Variants in NLGN1 observed in about 807,000 individuals in gnomAD.
NLGN1 encodes the protein neuroligin 1.
A neutral mutation model predicts 65.5 loss-of-function variants in NLGN1; 12 were observed. The observed-to-expected ratio is 0.18, with a 90% CI of 0.12 to 0.30. The LOEUF is 0.30. Among genes scored for constraint, NLGN1 ranks in the 10% least tolerant of loss-of-function variants. The probability of loss-of-function intolerance (pLI) is 1.00; values close to 1 mark genes in which losing one functional copy is unlikely to be tolerated. For missense variants in NLGN1, 750 were observed against 1,007.1 expected (o/e 0.74, Z 3.46); for synonymous variants, 350 against 359.5 (o/e 0.97, Z 0.30).
At chr3:173,714,691 A>C (rs1288681693) in intron 3 of NLGN1, among the ~76,000 whole-genome samples, 2 of 152,158 alleles carry the variant, frequency 1.3e-5, no homozygotes, top group Non-Finnish European at 2.9e-5. Context: ...TAACTTGAAA[A>C]GGGAGTGGGG....
chr3:173,729,841 T>C (rs1449650952), intron 3 of NLGN1, among the ~76,000 whole-genome samples: 1 of 151,986 alleles, frequency 6.6e-6, no homozygotes, highest in Non-Finnish European at 1.5e-5. Context: ...TCATAGAAAA[T>C]TTTTACTGAT....
intron 2 of NLGN1, among the ~76,000 whole-genome samples, chr3:173,460,066 T>G (rs773989727): frequency 6.6e-6 from 1 of 152,100 alleles, no homozygotes; most frequent in Non-Finnish European, 1.5e-5. Context: ...TTAATTAACA[T>G]ATTAATTAAC....
upstream of NLGN1, chr3:173,398,168 C>G (rs879535862): frequency 6.6e-6 from 1 of 152,248 alleles, no homozygotes; most frequent in African/African-American, 2.4e-5. Context: ...AGAAGAAAAC[C>G]CTTGCCTGAA....
intron 2 of NLGN1, among the ~76,000 whole-genome samples, chr3:173,511,729 G>T (rs934189641): frequency 6.6e-6 from 1 of 151,702 alleles, no homozygotes; most frequent in African/African-American, 2.4e-5. Context: ...CAAGCTCAGA[G>T]ATTTTTTTCC....
chr3:173,989,753 T>G (rs1720711592), intron 4 of NLGN1, among the ~76,000 whole-genome samples: 2 of 152,298 alleles, frequency 1.3e-5, no homozygotes, highest in Non-Finnish European at 2.9e-5. Flanking sequence ...CCTCCCACCC[T>G]TCCTTTTCCC....
At chr3:174,135,465 A>G (rs1721037350) in intron 4 of NLGN1, among the ~76,000 whole-genome samples, 1 of 152,188 alleles carries the variant, frequency 6.6e-6, no homozygotes, top group Admixed American at 6.5e-5. Flanking sequence ...ATATTTTTCT[A>G]ACCCTCGAGA....
intron 2 of NLGN1, among the ~76,000 whole-genome samples, chr3:173,437,442 T>C (rs1261654666): frequency 6.6e-6 from 1 of 152,186 alleles, no homozygotes; most frequent in Admixed American, 6.5e-5. Flanking sequence ...CAGTTGCAGC[T>C]GCAATAAAAC....
intron 3 of NLGN1, among the ~76,000 whole-genome samples, chr3:173,725,401 T>C (rs879651796): frequency 2.6e-5 from 4 of 152,172 alleles, no homozygotes; most frequent in Non-Finnish European, 5.9e-5. Flanking sequence ...AGGGAAGAGA[T>C]TAGTTCCAAG....
At chr3:173,447,506 C>T (rs909805287) in intron 2 of NLGN1, among the ~76,000 whole-genome samples, 12 of 152,258 alleles carry the variant, frequency 7.9e-5, no homozygotes, top group African/African-American at 2.9e-4. Flanking sequence ...CGTGATGCCT[C>T]CAGCTTTGTT....
At chr3:173,682,466 G>A (rs1474234015) in intron 3 of NLGN1, among the ~76,000 whole-genome samples, 2 of 151,740 alleles carry the variant, frequency 1.3e-5, no homozygotes, top group Non-Finnish European at 2.9e-5. Context: ...GCACATGCCT[G>A]TAGTCCCAAC....
At chr3:173,975,974 A>G (rs983461118) in intron 4 of NLGN1, among the ~76,000 whole-genome samples, 1 of 152,002 alleles carries the variant, frequency 6.6e-6, no homozygotes, top group African/African-American at 2.4e-5. Context: ...GTAGATCTGC[A>G]ATATATATTT....
At chr3:174,146,124 CCTTCCTTCCTTCCTTCCTTCCTTCCTT>C (rs1469119262) in intron 4 of NLGN1, among the ~76,000 whole-genome samples, 3 of 150,452 alleles carry the variant, frequency 2.0e-5, no homozygotes, top group African/African-American at 7.3e-5. Context: ...TTCCTTCCTT[CCTTCCTTCCTTCCTTCCTTCCTTCCTT>C]CCTCTCTCCC....
chr3:173,503,564 A>G (rs866917619), intron 2 of NLGN1, among the ~76,000 whole-genome samples: 108 of 152,136 alleles, frequency 7.1e-4, no homozygotes, highest in African/African-American at 2.4e-3. Context: ...TTACTTTTTA[A>G]ATTAAATTAT....
At chr3:173,572,901 A>G (rs1048401114) in intron 2 of NLGN1, among the ~76,000 whole-genome samples, 1 of 152,074 alleles carries the variant, frequency 6.6e-6, no homozygotes, top group African/African-American at 2.4e-5. Context: ...AGACACCTTC[A>G]TCCTCTGAGT....
intron 4 of NLGN1, among the ~76,000 whole-genome samples, chr3:173,865,590 C>T (rs1729991429): frequency 6.6e-6 from 1 of 151,862 alleles, no homozygotes; most frequent in Non-Finnish European, 1.5e-5. Context: ...AAAAAAACAA[C>T]AAAGAAACTT....
At chr3:174,254,691 CA>C (rs926780049) in intron 4 of NLGN1, among the ~76,000 whole-genome samples, 15 of 151,530 alleles carry the variant, frequency 9.9e-5, no homozygotes, top group African/African-American at 3.1e-4. Flanking sequence ...TCTACCAATA[CA>C]AAAAAAATTG....
At chr3:173,809,800 G>T (rs1003650678) in intron 4 of NLGN1, among the ~76,000 whole-genome samples, 2 of 152,190 alleles carry the variant, frequency 1.3e-5, no homozygotes, top group African/African-American at 4.8e-5. Flanking sequence ...GGATTGGATT[G>T]CAAGGCAATG....
intron 4 of NLGN1, among the ~76,000 whole-genome samples, chr3:174,069,544 T>A (rs1477869850): frequency 6.6e-6 from 1 of 152,302 alleles, no homozygotes; most frequent in African/African-American, 2.4e-5. Context: ...ACCTATGTTA[T>A]CAAAACATAT....
At chr3:173,896,069 T>C (rs1407335290) in intron 4 of NLGN1, among the ~76,000 whole-genome samples, 2 of 152,188 alleles carry the variant, frequency 1.3e-5, no homozygotes, top group South Asian at 2.1e-4. Flanking sequence ...GCAATTAGCA[T>C]GGTTGCCTTC....
Sources: gnomAD v4.1 joint callset for allele counts (sites outside exome capture counted in the v4.1 genomes callset) on GRCh38, gnomAD v4.1.1 for gene constraint, MANE v1.5 for transcripts, NCBI Gene and HGNC (gene_info 2026-07-23, HGNC 2026-07-21) for gene names.